The following KCNQ1 variants were observed in gnomAD, a reference collection of about 807,000 sequenced individuals.
The protein encoded by KCNQ1 is potassium voltage-gated channel subfamily Q member 1, also known as potassium voltage-gated channel subfamily KQT member 1.
In KCNQ1, 49 loss-of-function variants were observed where a neutral mutation model predicts 72.4. The observed-to-expected ratio is 0.68, with a 90% CI of 0.54 to 0.86. The LOEUF (loss-of-function observed/expected upper bound fraction) is 0.86. KCNQ1 is among the 40% of genes least tolerant of loss of function. The pLI is 0.00. For missense variants in KCNQ1, 790 were observed against 945.1 expected (o/e 0.84, Z 2.15); for synonymous variants, 450 against 412.6 (o/e 1.09, Z -1.10).
chr11:2,539,945 G>A (rs953824861), intron 2 of KCNQ1, among the ~76,000 whole-genome samples: 2 of 152,226 alleles, frequency 1.3e-5, no homozygotes, highest in Non-Finnish European at 2.9e-5. Flanking sequence ...GGAGAGCCTC[G>A]CTTGAAGCGC....
Position 2,608,303 on chromosome 11 carries a change from C to T in KCNQ1, c.1393+19449C>T. On this transcript the variant is annotated intron_variant, in intron 10 of 15. Transcript: ENST00000155840. This position sits in a 1 kb window ranked among gnomAD's most constrained non-coding sequence, Gnocchi z 4.6. The stretch of plus-strand genomic sequence containing the variant: ...TCAATCTCTTTAACTTATTACAGAT[C>T]CATTCACATTTTCTACTTATTTCTT... The T allele has an allele frequency of 2.5e-6, 1 of 398,214 alleles. No individual in the cohort carries two copies. The highest frequency in any genetic ancestry group is 4.4e-6 in the Non-Finnish European group (1 of 225,974). The allele number at this position is 398,214 out of a possible 1,614,324, so 24.7% of individuals were successfully genotyped here.
At position 2,468,259 on chromosome 11, in the gene KCNQ1, G is replaced by C. The variant is rs1470596794; in HGVS notation, c.386+22775G>C. ...CCTCCCTGGCTCAAGAGATCCTCCC[G>C]CCTCAGCCTCCTGAGTAGCTGGGAC... is the stretch of plus-strand genomic sequence containing the variant. On this transcript the variant is annotated intron_variant, in intron 1 of 15. Transcript: ENST00000155840. The surrounding 1 kb of genome is among the most constrained non-coding windows in gnomAD (Gnocchi z 5.7). Among the ~76,000 whole-genome samples the C allele has an allele frequency of 6.6e-6, 1 of 152,212 alleles. No individual in the cohort carries two copies. The highest frequency in any genetic ancestry group is 2.1e-4 in the South Asian group (1 of 4,814).
At chr11:2,571,445 C>T in intron 4 of KCNQ1, 42 bp downstream of exon 4, 1 of 1,542,826 alleles carries the variant, frequency 6.5e-7, no homozygotes, top group Non-Finnish European at 8.9e-7. Context: ...GCCGCCCCAC[C>T]CCGAGCACCC....
At position 2,748,585 on chromosome 11, in the gene KCNQ1, C is replaced by A. The variant is rs905191491; in HGVS notation, c.1515-20259C>A. 6.6e-6 allele frequency among the ~76,000 whole-genome samples: 1 copy of A among 152,252 alleles called. No homozygotes were observed. Among genetic ancestry groups the A allele is most frequent in the African/African-American group, 2.4e-5 (1 of 41,466 alleles). On this transcript the variant is annotated intron_variant, in intron 11 of 15. Coordinates refer to ENST00000155840, the MANE Select transcript of KCNQ1 (RefSeq NM_000218.3). The surrounding 1 kb of genome is among the most constrained non-coding windows in gnomAD (Gnocchi z 6.2). ...CTGGCAACCAGGACCCAGCATGAAA[C>A]TGCAGGTGCAGGAGCCCCAGCCAGC...
At position 2,564,251 on chromosome 11, in the gene KCNQ1, C is replaced by T. The variant is rs1483682778; in HGVS notation, c.478-6377C>T. ...ATCACCTCAAAAGGAAAACCATCCC[C>T]ATTGCCCTTCTCCTAGTTCCTGACA... On this transcript the variant is annotated intron_variant, in intron 2 of 15. Transcript: ENST00000155840. This position sits in a 1 kb window ranked among gnomAD's most constrained non-coding sequence, Gnocchi z 4.5. 6.6e-6 allele frequency among the ~76,000 whole-genome samples: 1 copy of T among 152,194 alleles called. No homozygotes were observed.
In KCNQ1 at chr11:2,573,083, G is replaced by T; in HGVS notation, c.921+97G>T. ...TGGTGTCTTGAGACTTCGGGCCTTG[G>T]CAGGGGCTTCTCACCTGCACGCTCA... On this transcript the variant is annotated intron_variant, in intron 6 of 15. Transcript: ENST00000155840. The T allele has an allele frequency of 2.1e-6, 3 of 1,442,814 alleles. No individual in the cohort carries two copies. The Admixed American group carries it at 6.1e-5, about 29-fold the overall frequency. 89.4% of individuals were successfully genotyped at this position (1,442,814 alleles called of 1,614,324 possible).
intron 15 of KCNQ1, among the ~76,000 whole-genome samples, chr11:2,842,222 C>T (rs1028235769): frequency 2.6e-5 from 4 of 152,210 alleles, no homozygotes; most frequent in African/African-American, 9.7e-5. Flanking sequence ...GCTGCCACGA[C>T]GCTCGACTCT....
intron 10 of KCNQ1, chr11:2,616,404 TCATA>T: frequency 5.0e-6 from 2 of 398,040 alleles, no homozygotes; most frequent in East Asian, 3.6e-5. Flanking sequence ...TTATCTCCAC[TCATA>T]CATATTATTT....
chr11:2,721,736 C>T (rs985922309), intron 11 of KCNQ1, among the ~76,000 whole-genome samples: 13 of 152,220 alleles, frequency 8.5e-5, no homozygotes, highest in African/African-American at 2.7e-4. Context: ...CCGACAGCAG[C>T]GGTGGTGATG....
chr11:2,613,139 G>C lies in KCNQ1; in HGVS notation c.1393+24285G>C, dbSNP rs1849008402. On this transcript the variant is annotated intron_variant, in intron 10 of 15. Transcript: ENST00000155840. The surrounding 1 kb of genome is among the most constrained non-coding windows in gnomAD (Gnocchi z 4.8). ...GCCAGTGAATCTTCCACCCTCTGCT[G>C]AGGGGATCTATGTGTGGGTTGGGAC... 2.5e-6 allele frequency: 1 copy of C among 398,494 alleles called. No individual in the cohort carries two copies. Among genetic ancestry groups the C allele is most frequent in the Non-Finnish European group, 4.4e-6 (1 of 226,098 alleles). The allele number at this position is 398,494 out of a possible 1,614,324, so 24.7% of individuals were successfully genotyped here.
chr11:2,640,566 T>C (rs1182564981), intron 10 of KCNQ1: 2 of 176,240 alleles, frequency 1.1e-5, no homozygotes, highest in Admixed American at 1.3e-4. Flanking sequence ...GATTTCCTTT[T>C]TTTTTTTTTT....
rs11023938 is a variant in KCNQ1, at chr11:2,735,735, C to T, written c.1515-33109C>T. On this transcript the variant is annotated intron_variant, in intron 11 of 15. Coordinates refer to ENST00000155840, the MANE Select transcript of KCNQ1 (RefSeq NM_000218.3). This position sits in a 1 kb window ranked among gnomAD's most constrained non-coding sequence, Gnocchi z 7.7. The stretch of plus-strand genomic sequence containing the variant: ...GGTCAAGGTGCTGCAGGGCTGGGTC[C>T]TCCTGCAGCCTCTCTCCGTGGCTTG... Among the ~76,000 whole-genome samples, 19,106 of 152,090 alleles carry T rather than the reference C, an allele frequency of 0.13. 1,518 individuals carry two copies. Among genetic ancestry groups the T allele is most frequent in the Middle Eastern group, 0.23 (68 of 292 alleles).
chr11:2,706,287 T>C (rs78131), intron 11 of KCNQ1, among the ~76,000 whole-genome samples: 84,071 of 152,150 alleles, frequency 0.55, 24,424 homozygotes, highest in East Asian at 0.84. Flanking sequence ...ATCACTGATT[T>C]TGGGGGAAGC....
chr11:2,619,852 G>GT lies in KCNQ1; in HGVS notation c.1393+31005dup, dbSNP rs142504844. The GT allele has an allele frequency of 7.4e-4, 295 of 398,322 alleles. 2 individuals carry two copies. Among genetic ancestry groups the GT allele is most frequent in the African/African-American group, 5.6e-3 (271 of 48,624 alleles). 24.7% of individuals were successfully genotyped at this position (398,322 alleles called of 1,614,324 possible). Reference sequence around the variant, plus strand: ...GCTTTTCTTTGTTTGAGGTTTTGGGGTTTTTTTAACTTTTATTTTTGATTT... The same window carrying GT: ...GCTTTTCTTTGTTTGAGGTTTTGGGGTTTTTTTTAACTTTTATTTTTGATTT... On this transcript the variant is annotated intron_variant, in intron 10 of 15. Coordinates refer to ENST00000155840, the MANE Select transcript of KCNQ1 (RefSeq NM_000218.3).
At position 2,661,128 on chromosome 11, in the gene KCNQ1, A is replaced by G. The variant is rs1465364561; in HGVS notation, c.1394-833A>G. On this transcript the variant is annotated intron_variant, in intron 10 of 15. Coordinates refer to ENST00000155840, the MANE Select transcript of KCNQ1 (RefSeq NM_000218.3). This position sits in a 1 kb window ranked among gnomAD's most constrained non-coding sequence, Gnocchi z 5.9. Reference sequence around the variant, plus strand: ...CCTGGCATCTGCTGCTCGGATGAGCAGAGAGGGTGGGCTAGGGATCTAGTT... The same window carrying G: ...CCTGGCATCTGCTGCTCGGATGAGCGGAGAGGGTGGGCTAGGGATCTAGTT... 3.3e-5 allele frequency: 13 copies of G among 398,640 alleles called. No individual in the cohort carries two copies. The East Asian group carries it at 4.6e-4, about 14-fold the overall frequency. The allele number at this position is 398,640 out of a possible 1,614,324, so 24.7% of individuals were successfully genotyped here. A position where few individuals can be genotyped will look rare whatever the true frequency, so the allele number is the denominator to read the frequency against.
intron 2 of KCNQ1, among the ~76,000 whole-genome samples, chr11:2,545,847 A>G (rs1044431602): frequency 2.0e-4 from 30 of 152,228 alleles, no homozygotes; most frequent in African/African-American, 6.8e-4. Context: ...AAACAGCTAT[A>G]GAATTTGTAG....
At chr11:2,839,047 C>T (rs1293632612) in intron 15 of KCNQ1, among the ~76,000 whole-genome samples, 2 of 152,070 alleles carry the variant, frequency 1.3e-5, no homozygotes, top group Non-Finnish European at 2.9e-5. Context: ...TGGGCAGCTG[C>T]CTCGGGCTCT....
chr11:2,469,828 T>A (rs930573626), intron 1 of KCNQ1, among the ~76,000 whole-genome samples: 5 of 149,226 alleles, frequency 3.4e-5, no homozygotes, highest in African/African-American at 1.2e-4. Flanking sequence ...CGCCCGCCAC[T>A]GTATCCAGCT....
chr11:2,612,629 G>A lies in KCNQ1; in HGVS notation c.1393+23775G>A. 1 of 398,502 alleles carries A rather than the reference G, an allele frequency of 2.5e-6. No individual in the cohort carries two copies. 24.7% of individuals were successfully genotyped at this position (398,502 alleles called of 1,614,324 possible). A position where few individuals can be genotyped will look rare whatever the true frequency, so the allele number is the denominator to read the frequency against. On this transcript the variant is annotated intron_variant, in intron 10 of 15. Coordinates refer to ENST00000155840, the MANE Select transcript of KCNQ1 (RefSeq NM_000218.3). This position sits in a 1 kb window ranked among gnomAD's most constrained non-coding sequence, Gnocchi z 5.5. Reference sequence around the variant, plus strand: ...TCTATATTGATATTATCTATTTGATGAGTCTTTGTCATCACACTTGCATTC... The same window carrying A: ...TCTATATTGATATTATCTATTTGATAAGTCTTTGTCATCACACTTGCATTC...
Sources: allele counts gnomAD v4.1 joint callset (sites outside exome capture counted in the v4.1 genomes callset), GRCh38; gene constraint gnomAD v4.1.1; non-coding constraint Gnocchi (gnomAD v3.1); transcripts MANE v1.5; gene names NCBI Gene and HGNC (gene_info 2026-07-23, HGNC 2026-07-21).